The following CDIN1 variants were observed in gnomAD, a reference collection of about 807,000 sequenced individuals.
CDIN1 encodes the protein CDAN1-interacting nuclease 1.
CDIN1 carries 33 observed loss-of-function variants against 45.3 expected under a neutral mutation model. The ratio of observed to expected loss-of-function variants is 0.73; its 90% CI spans 0.55 to 0.97. The LOEUF is 0.97. CDIN1 is among the 50% of genes least tolerant of loss of function. The pLI, the probability that CDIN1 is intolerant of heterozygous loss-of-function variation, is 0.00. For missense variants in CDIN1, 303 were observed against 339.4 expected, an observed-to-expected ratio of 0.89 and a Z score of 0.84; for synonymous variants, 118 against 124.4, an observed-to-expected ratio of 0.95 and a Z score of 0.34.
intron 5 of CDIN1, among the ~76,000 whole-genome samples, chr15:36,660,659 A>G (rs1463752770): frequency 4.6e-5 from 7 of 152,124 alleles, no homozygotes; most frequent in Non-Finnish European, 8.8e-5. Flanking sequence ...TGTGATGACA[A>G]ACAATTTTGT....
At chr15:36,613,581 G>A in intron 1 of CDIN1, 1 of 1,480,172 alleles carries the variant, frequency 6.8e-7, no homozygotes, top group Non-Finnish European at 9.4e-7. Context: ...GAAGTTGAGG[G>A]AGAAAGGCGG....
At chr15:36,799,983 A>G (rs1487873472) in intron 10 of CDIN1, among the ~76,000 whole-genome samples, 1 of 152,330 alleles carries the variant, frequency 6.6e-6, no homozygotes, top group East Asian at 1.9e-4. Context: ...CAAAGTAGAA[A>G]TTAACTACTT....
chr15:36,732,814 T>A (rs749786549), intron 10 of CDIN1, among the ~76,000 whole-genome samples: 1 of 152,034 alleles, frequency 6.6e-6, no homozygotes, highest in Non-Finnish European at 1.5e-5. Flanking sequence ...TATTTTCTTA[T>A]CACCAGTATA....
Position 36,776,081 on chromosome 15 carries a change from TG to T in CDIN1, c.717-32241del, listed in dbSNP as rs2054210534. ...ACATCACTTAATTTTTTCAAATATG[TG>T]GTTTAATTTTCTAGGAAGTAACGAC... On this transcript the variant is annotated intron_variant, in intron 10 of 10. Coordinates refer to ENST00000566621, the MANE Select transcript of CDIN1 (RefSeq NM_001321759.2). 2.0e-5 allele frequency among the ~76,000 whole-genome samples: 3 copies of T among 152,376 alleles called. No homozygotes were observed. In the South Asian group the frequency reaches 6.2e-4, roughly 32 times the overall value.
intron 10 of CDIN1, among the ~76,000 whole-genome samples, chr15:36,720,827 G>C (rs1212582046): frequency 6.6e-6 from 1 of 152,172 alleles, no homozygotes; most frequent in African/African-American, 2.4e-5. Context: ...GGTATTTCCA[G>C]TTCTAGATCC....
chr15:36,732,691 G>A (rs550804483), intron 10 of CDIN1, among the ~76,000 whole-genome samples: 1 of 151,906 alleles, frequency 6.6e-6, no homozygotes, highest in African/African-American at 2.4e-5. Context: ...CTGAGGTGAG[G>A]GATCTCTCTG....
At position 36,723,279 on chromosome 15, in the gene CDIN1, TAAAAAC is replaced by T. The variant is rs1008361786; in HGVS notation, c.716+13319_716+13324del. ...TATTTCATTCCAAGTGATCATAAGT[TAAAAAC>T]TAAAGCCAATTTTTTTTATTTAGTA... On this transcript the variant is annotated intron_variant, in intron 10 of 10. Transcript: ENST00000566621. Among the ~76,000 whole-genome samples the T allele has an allele frequency of 1.2e-4, 19 of 152,190 alleles. 1 individual carries two copies. Among genetic ancestry groups the T allele is most frequent in the Admixed American group, 1.1e-3 (17 of 15,270 alleles).
intron 10 of CDIN1, among the ~76,000 whole-genome samples, chr15:36,742,736 CA>C (rs2044283019): frequency 6.6e-6 from 1 of 152,186 alleles, no homozygotes; most frequent in Non-Finnish European, 1.5e-5. Flanking sequence ...CTCATTCACA[CA>C]TTCATTCGTT....
chr15:36,670,796 A>T (rs2041421124), intron 5 of CDIN1, among the ~76,000 whole-genome samples: 1 of 152,124 alleles, frequency 6.6e-6, no homozygotes, highest in South Asian at 2.1e-4. Flanking sequence ...AACATTGGTA[A>T]AGAATGAGAT....
At chr15:36,666,707 A>G (rs1232066347) in intron 5 of CDIN1, among the ~76,000 whole-genome samples, 2 of 152,078 alleles carry the variant, frequency 1.3e-5, no homozygotes, top group Non-Finnish European at 2.9e-5. Flanking sequence ...TCCCTATTCC[A>G]TGAATAGCTC....
At chr15:36,666,070 G>T (rs1251854486) in intron 5 of CDIN1, among the ~76,000 whole-genome samples, 2 of 152,060 alleles carry the variant, frequency 1.3e-5, no homozygotes, top group African/African-American at 4.8e-5. Context: ...CTTAAGGGAA[G>T]TAGTTACTGT....
intron 8 of CDIN1, chr15:36,706,020 A>G (rs938778396): frequency 1.1e-4 from 17 of 152,174 alleles, no homozygotes; most frequent in African/African-American, 3.9e-4. Flanking sequence ...TTGAAGAAAC[A>G]GTGAAACTTG....
intron 5 of CDIN1, among the ~76,000 whole-genome samples, chr15:36,666,670 T>C (rs1450483528): frequency 2.0e-5 from 3 of 152,228 alleles, no homozygotes; most frequent in African/African-American, 7.2e-5. Context: ...AGTTTTCTTT[T>C]TCTCCTGGGT....
chr15:36,600,712 G>A (rs552245489), intron 1 of CDIN1, among the ~76,000 whole-genome samples: 1 of 152,286 alleles, frequency 6.6e-6, no homozygotes, highest in South Asian at 2.1e-4. Context: ...TTTGGTGGCA[G>A]TGTGAAAATC....
intron 10 of CDIN1, among the ~76,000 whole-genome samples, chr15:36,767,251 C>T (rs781234649): frequency 3.6e-4 from 55 of 152,072 alleles, no homozygotes; most frequent in Admixed American, 3.6e-3. Context: ...AAATGTGTTA[C>T]GGTTCAGCAG....
intron 1 of CDIN1, among the ~76,000 whole-genome samples, chr15:36,591,403 G>C (rs1260437616): frequency 6.6e-6 from 1 of 152,150 alleles, no homozygotes; most frequent in East Asian, 1.9e-4. Context: ...AATGGACTGG[G>C]AATATGAGGC....
At chr15:36,797,789 T>C (rs561447642) in intron 10 of CDIN1, among the ~76,000 whole-genome samples, 1 of 151,898 alleles carries the variant, frequency 6.6e-6, no homozygotes, top group Non-Finnish European at 1.5e-5. Context: ...AGACGAGCCT[T>C]GCCAACATGG....
At chr15:36,728,290 C>T (rs1311976312) in intron 10 of CDIN1, among the ~76,000 whole-genome samples, 1 of 152,152 alleles carries the variant, frequency 6.6e-6, no homozygotes, top group East Asian at 1.9e-4. Context: ...ACCCCCCTAC[C>T]ATTCACAGTT....
At chr15:36,793,361 C>T (rs1192133767) in intron 10 of CDIN1, among the ~76,000 whole-genome samples, 1 of 152,098 alleles carries the variant, frequency 6.6e-6, no homozygotes, top group Non-Finnish European at 1.5e-5. Flanking sequence ...GAGAGCATTA[C>T]AAGCTGACAA....
Sources: allele counts gnomAD v4.1 joint callset (sites outside exome capture counted in the v4.1 genomes callset), GRCh38; gene constraint gnomAD v4.1.1; transcripts MANE v1.5; gene names NCBI Gene and HGNC (gene_info 2026-07-23, HGNC 2026-07-21).